The following SLX9 variants were observed in gnomAD, a reference collection of about 807,000 sequenced individuals.
SLX9 encodes the protein ribosome biogenesis protein SLX9 homolog.
In SLX9, 19 loss-of-function variants were observed where a neutral mutation model predicts 20.8. That is an observed-to-expected ratio of 0.91 (90% CI 0.64 to 1.34). The LOEUF (loss-of-function observed/expected upper bound fraction) is 1.34, where lower values mean the gene tolerates loss of function less well. SLX9 is among the 40% of genes most tolerant of loss of function. The pLI, the probability that SLX9 is intolerant of heterozygous loss-of-function variation, is 0.00. For missense variants in SLX9, 299 were observed against 322.2 expected (o/e 0.93, Z 0.55); for synonymous variants, 113 against 137.1 (o/e 0.82, Z 1.23).
Position 44,966,071 on chromosome 21 carries a change from G to C in SLX9, c.353-963G>C, listed in dbSNP as rs1283567230. Among the ~76,000 whole-genome samples, 4 of 152,294 alleles carry C rather than the reference G, an allele frequency of 2.6e-5. No homozygotes were observed. The East Asian group carries it at 7.7e-4, about 29-fold the overall frequency. ...AGGGTGGTCTTTGTCCCAGGTTCTT[G>C]TCAGTGATTTGGAGCCAGGTAAACA... On this transcript the variant is annotated intron_variant, in intron 3 of 5. Coordinates refer to ENST00000291634, the MANE Select transcript of SLX9 (RefSeq NM_058190.4).
intron 2 of SLX9, among the ~76,000 whole-genome samples, chr21:44,959,478 A>G (rs2084915631): frequency 6.6e-6 from 1 of 151,526 alleles, no homozygotes; most frequent in Non-Finnish European, 1.5e-5. Context: ...CTGTCCCCCC[A>G]GCAAATGAGC....
At chr21:44,958,854 A>G (rs2877001) in intron 2 of SLX9, among the ~76,000 whole-genome samples, 141,099 of 152,330 alleles carry the variant, frequency 0.93, 65,421 homozygotes, top group African/African-American at 0.98. Context: ...GCCGGGAAGG[A>G]TCACTGTGCT....
intron 2 of SLX9, among the ~76,000 whole-genome samples, chr21:44,951,479 C>T (rs889945989): frequency 2.0e-5 from 3 of 152,246 alleles, no homozygotes; most frequent in East Asian, 1.9e-4. Flanking sequence ...CGAACGGCCG[C>T]GTCTTTGCCC....
intron 3 of SLX9, among the ~76,000 whole-genome samples, 159 bp downstream of exon 3, chr21:44,960,327 GC>G (rs202102740): frequency 0.012 from 1,822 of 152,288 alleles, 36 homozygotes; most frequent in African/African-American, 0.041. Flanking sequence ...TGCTGTGGGG[GC>G]CGAAGGACAG....
chr21:44,963,117 T>C (rs2084973811), intron 3 of SLX9, among the ~76,000 whole-genome samples: 1 of 149,020 alleles, frequency 6.7e-6, no homozygotes, highest in African/African-American at 2.5e-5. Context: ...TGAGATAGAG[T>C]CTTGCTCTGT....
At chr21:44,964,359 T>C (rs1241777155) in intron 3 of SLX9, among the ~76,000 whole-genome samples, 2 of 152,174 alleles carry the variant, frequency 1.3e-5, no homozygotes, top group East Asian at 3.8e-4. Context: ...TTCCCCAATA[T>C]GTGTTGAAAT....
chr21:44,947,204 T>C (rs1239598764), intron 2 of SLX9, among the ~76,000 whole-genome samples: 1 of 152,192 alleles, frequency 6.6e-6, no homozygotes, highest in Non-Finnish European at 1.5e-5. Flanking sequence ...TGAGTGCCCA[T>C]GTCATGCAGA....
intron 1 of SLX9, among the ~76,000 whole-genome samples, chr21:44,940,599 C>G (rs2084524916): frequency 6.6e-6 from 1 of 152,180 alleles, no homozygotes; most frequent in African/African-American, 2.4e-5. Context: ...TCCCCCTCAG[C>G]CCTAAGCAAG....
At chr21:44,948,302 CG>C (rs1366576670) in intron 2 of SLX9, among the ~76,000 whole-genome samples, 47 of 131,956 alleles carry the variant, frequency 3.6e-4, no homozygotes, top group Non-Finnish European at 3.5e-4. Context: ...GAGCATCGGG[CG>C]GTCCGGGGAG....
intron 2 of SLX9, among the ~76,000 whole-genome samples, chr21:44,954,785 C>G (rs944116640): frequency 6.6e-6 from 1 of 152,188 alleles, no homozygotes; most frequent in Admixed American, 6.5e-5. Context: ...CGATGCGGAC[C>G]CTGGATGGCG....
chr21:44,948,030 G>A (rs1218242806), intron 2 of SLX9, among the ~76,000 whole-genome samples: 1 of 152,276 alleles, frequency 6.6e-6, no homozygotes, highest in Non-Finnish European at 1.5e-5. Context: ...TGTGCGTGCT[G>A]TGTGGCCAGC....
intron 1 of SLX9, among the ~76,000 whole-genome samples, chr21:44,941,180 AGTC>A (rs2084540741): frequency 6.6e-6 from 1 of 152,090 alleles, no homozygotes; most frequent in Admixed American, 6.5e-5. Flanking sequence ...GGTCTCTTTT[AGTC>A]CTTAGAAATA....
intron 4 of SLX9, among the ~76,000 whole-genome samples, chr21:44,970,551 C>T (rs1451006614): frequency 2.0e-5 from 3 of 152,194 alleles, no homozygotes; most frequent in Non-Finnish European, 4.4e-5. Context: ...GGGCTCGGTG[C>T]GCCTGTCCCA....
At chr21:44,948,477 T>G (rs2084691578) in intron 2 of SLX9, among the ~76,000 whole-genome samples, 1 of 152,204 alleles carries the variant, frequency 6.6e-6, no homozygotes, top group African/African-American at 2.4e-5. Flanking sequence ...TAGTTCTGTG[T>G]TCCTTCATAC....
At chr21:44,949,572 T>G (rs967742257) in intron 2 of SLX9, among the ~76,000 whole-genome samples, 4 of 152,140 alleles carry the variant, frequency 2.6e-5, no homozygotes, top group South Asian at 4.1e-4. Context: ...CACAGAGGCC[T>G]ACTCTTAGAC....
chr21:44,942,244 C>T (rs28399723), intron 1 of SLX9, among the ~76,000 whole-genome samples: 22,394 of 152,202 alleles, frequency 0.15, 1,760 homozygotes, highest in Admixed American at 0.21. Context: ...CCACCTGGTC[C>T]CTGTTTGCCT....
intron 3 of SLX9, among the ~76,000 whole-genome samples, chr21:44,964,510 C>T (rs1441714985): frequency 1.3e-5 from 2 of 152,182 alleles, no homozygotes; most frequent in Non-Finnish European, 2.9e-5. Context: ...CCTTGCTTTG[C>T]TTTGTTTTGT....
intron 2 of SLX9, among the ~76,000 whole-genome samples, chr21:44,948,384 A>G (rs1257308254): frequency 1.4e-5 from 2 of 147,318 alleles, no homozygotes; most frequent in Non-Finnish European, 3.0e-5. Context: ...CTGGTCATGC[A>G]GCATCGGGCG....
At chr21:44,967,271 G>C in intron 4 of SLX9, 90 bp downstream of exon 4, 1 of 1,471,402 alleles carries the variant, frequency 6.8e-7, no homozygotes. Flanking sequence ...CACGGGCCAC[G>C]GTGCTTCCTG....
Sources: allele counts gnomAD v4.1 joint callset (sites outside exome capture counted in the v4.1 genomes callset), GRCh38; gene constraint gnomAD v4.1.1; transcripts MANE v1.5; gene names NCBI Gene and HGNC (gene_info 2026-07-23, HGNC 2026-07-21).